The following LPP variants were observed in gnomAD, a reference collection of about 807,000 sequenced individuals.
The protein encoded by LPP is LIM domain containing preferred translocation partner in lipoma.
LPP carries 38 observed loss-of-function variants against 60.4 expected under a neutral mutation model. The ratio of observed to expected loss-of-function variants is 0.63; its 90% CI spans 0.49 to 0.83. The LOEUF is 0.83. Among genes scored for constraint, LPP ranks in the 40% least tolerant of loss-of-function variants. The pLI is 0.00. For synonymous variants in LPP, 328 were observed against 290.8 expected, an observed-to-expected ratio of 1.13 and a Z score of -1.30; for missense variants, 902 against 783.6, an observed-to-expected ratio of 1.15 and a Z score of -1.80.
intron 6 of LPP, among the ~76,000 whole-genome samples, chr3:188,581,626 C>G (rs970313459): frequency 6.6e-6 from 1 of 152,062 alleles, no homozygotes; most frequent in Non-Finnish European, 1.5e-5. Flanking sequence ...TTGGGAGGCT[C>G]AGGGCCCAAC....
chr3:188,290,093 C>A (rs1577883587), intron 2 of LPP, among the ~76,000 whole-genome samples: 1 of 152,168 alleles, frequency 6.6e-6, no homozygotes, highest in South Asian at 2.1e-4. Context: ...CTTCCTCAGC[C>A]TCCCGAGTAG....
At chr3:188,786,079 G>T (rs1387888624) in intron 9 of LPP, among the ~76,000 whole-genome samples, 1 of 151,998 alleles carries the variant, frequency 6.6e-6, no homozygotes, top group African/African-American at 2.4e-5. Flanking sequence ...AAGTGCTAAT[G>T]ATATTAAACA....
intron 7 of LPP, among the ~76,000 whole-genome samples, chr3:188,696,884 C>T (rs983036043): frequency 4.6e-5 from 7 of 152,080 alleles, no homozygotes; most frequent in African/African-American, 1.7e-4. Context: ...TGCTTTAATG[C>T]CTAATTAATT....
At position 188,169,694 on chromosome 3, in the gene LPP, C is replaced by T. The variant is rs1012490212; in HGVS notation, c.-190+15442C>T. 1.4e-4 allele frequency among the ~76,000 whole-genome samples: 22 copies of T among 152,296 alleles called. No individual in the cohort carries two copies. The East Asian group carries it at 4.2e-3, about 29-fold the overall frequency. ...AAGTTATTTGATCATAGAACCCCTG[C>T]ACCCCACTACTACCCTTTGTACCAG... On this transcript the variant is annotated intron_variant, in intron 1 of 11. Coordinates refer to ENST00000617246, the MANE Select transcript of LPP (RefSeq NM_001375462.1).
chr3:188,234,341 C>T (rs1301422864), intron 2 of LPP, among the ~76,000 whole-genome samples: 6 of 152,070 alleles, frequency 3.9e-5, no homozygotes, highest in African/African-American at 4.8e-5. Flanking sequence ...TTCACATGGC[C>T]AAATGATGTG....
Position 188,581,040 on chromosome 3 carries a change from A to G in LPP, c.430-28121A>G, listed in dbSNP as rs75810794. Among the ~76,000 whole-genome samples, 462 of 152,210 alleles carry G rather than the reference A, an allele frequency of 3.0e-3. 1 individual carries two copies. The highest frequency in any genetic ancestry group is 1.0e-2 in the African/African-American group (415 of 41,522). ...ATTAGAGGCTTTAATCACATGTACA[A>G]AACACCTTCCCAGCCACATCTAGAT... On this transcript the variant is annotated intron_variant, in intron 6 of 11. Transcript: ENST00000617246.
chr3:188,829,234 C>T (rs543694183), intron 9 of LPP, among the ~76,000 whole-genome samples: 3 of 152,318 alleles, frequency 2.0e-5, no homozygotes, highest in African/African-American at 4.8e-5. Flanking sequence ...CGCCTCTCCT[C>T]GCCTATTAAT....
At chr3:188,538,084 T>A (rs60916258) in intron 6 of LPP, among the ~76,000 whole-genome samples, 4,663 of 152,262 alleles carry the variant, frequency 0.031, 100 homozygotes, top group African/African-American at 0.057. Flanking sequence ...AAGACACAAA[T>A]GTAAAGGATA....
intron 4 of LPP, 90 bp downstream of exon 4, chr3:188,406,403 G>T: frequency 4.0e-6 from 5 of 1,257,188 alleles, no homozygotes; most frequent in Non-Finnish European, 5.6e-6. Context: ...TCAGAAAAAC[G>T]TAGTTTGTGA....
chr3:188,618,685 T>C (rs1360828860), intron 7 of LPP, among the ~76,000 whole-genome samples: 1 of 152,210 alleles, frequency 6.6e-6, no homozygotes, highest in Non-Finnish European at 1.5e-5. Context: ...AAACCCAAGA[T>C]TCAGTCAACA....
intron 8 of LPP, among the ~76,000 whole-genome samples, chr3:188,735,034 A>G (rs1044006624): frequency 1.3e-5 from 2 of 152,204 alleles, no homozygotes; most frequent in Non-Finnish European, 2.9e-5. Context: ...GTTGATCATA[A>G]GCAGAATTCC....
At chr3:188,687,775 C>CTTTT (rs61574227) in intron 7 of LPP, among the ~76,000 whole-genome samples, 32 of 127,144 alleles carry the variant, frequency 2.5e-4, no homozygotes, top group African/African-American at 7.7e-4. Flanking sequence ...GTCTTATACT[C>CTTTT]TTTTTTTTTT....
At chr3:188,545,614 G>T (rs1172267807) in intron 6 of LPP, among the ~76,000 whole-genome samples, 1 of 152,084 alleles carries the variant, frequency 6.6e-6, no homozygotes, top group Non-Finnish European at 1.5e-5. Context: ...TTTACTCATG[G>T]CTGGCAGTTT....
intron 4 of LPP, among the ~76,000 whole-genome samples, chr3:188,428,308 A>G (rs1789991420): frequency 6.6e-6 from 1 of 151,902 alleles, no homozygotes; most frequent in Non-Finnish European, 1.5e-5. Flanking sequence ...GAAATCACCC[A>G]CCTTCTGAGT....
At chr3:188,232,248 G>A (rs1304265032) in intron 2 of LPP, among the ~76,000 whole-genome samples, 2 of 152,134 alleles carry the variant, frequency 1.3e-5, no homozygotes, top group Non-Finnish European at 2.9e-5. Context: ...AATGAGGAAC[G>A]CACAGCTTTG....
intron 6 of LPP, among the ~76,000 whole-genome samples, chr3:188,559,142 T>C (rs1462394237): frequency 1.3e-5 from 2 of 152,100 alleles, no homozygotes; most frequent in African/African-American, 4.8e-5. Context: ...TAATTGTCAG[T>C]GGCTCTTGCA....
intron 4 of LPP, among the ~76,000 whole-genome samples, chr3:188,458,337 T>C (rs905759739): frequency 2.0e-5 from 3 of 152,162 alleles, no homozygotes; most frequent in African/African-American, 7.2e-5. Context: ...TTTTGAAGAG[T>C]TGTCTGCATT....
chr3:188,203,384 T>A (rs1164516845), intron 1 of LPP, among the ~76,000 whole-genome samples: 15 of 91,988 alleles, frequency 1.6e-4, no homozygotes, highest in Non-Finnish European at 2.8e-4. Flanking sequence ...ATATTAATAT[T>A]TATATATTAA....
At chr3:188,237,950 G>A (rs6444271) in intron 2 of LPP, among the ~76,000 whole-genome samples, 93,423 of 152,086 alleles carry the variant, frequency 0.61, 29,036 homozygotes, top group Middle Eastern at 0.69. Context: ...TGAAAGTCCT[G>A]GATGGCATCT....
Sources: gnomAD v4.1 joint callset for allele counts (sites outside exome capture counted in the v4.1 genomes callset) on GRCh38, gnomAD v4.1.1 for gene constraint, MANE v1.5 for transcripts, NCBI Gene and HGNC (gene_info 2026-07-23, HGNC 2026-07-21) for gene names.